DZIP1: variants seen among roughly 807,000 people sequenced by gnomAD.
DZIP1 encodes the protein DAZ interacting zinc finger protein 1, also known as cilium assembly protein DZIP1.
DZIP1 carries 97 observed loss-of-function variants against 107.6 expected under a neutral mutation model. The observed-to-expected ratio is 0.90, with a 90% CI of 0.77 to 1.07. DZIP1 has a LOEUF of 1.07. Among genes scored for constraint, DZIP1 ranks in the 50% least tolerant of loss-of-function variants. The pLI, the probability that DZIP1 is intolerant of heterozygous loss-of-function variation, is 0.00. For missense variants in DZIP1, 1,035 were observed against 1,063.6 expected, an observed-to-expected ratio of 0.97 and a Z score of 0.37; for synonymous variants, 390 against 386.4, an observed-to-expected ratio of 1.01 and a Z score of -0.11.
chr13:95,606,073 A>G lies in DZIP1; in HGVS notation c.1421-14T>C, dbSNP rs1484049679. On this transcript the variant is annotated splice_polypyrimidine_tract_variant and intron_variant, in intron 13 of 22. Transcript: ENST00000376829. ...CTGGGGCATTCACTGAAACAGCATAAAAAGGAAAAACTCAGAGGTTCCATA... is the reference window on the plus strand; with the variant it reads ...CTGGGGCATTCACTGAAACAGCATAGAAAGGAAAAACTCAGAGGTTCCATA... 6.2e-7 allele frequency: 1 copy of G among 1,612,830 alleles called. No individual in the cohort carries two copies. Among genetic ancestry groups the G allele is most frequent in the Non-Finnish European group, 8.5e-7 (1 of 1,179,610 alleles).
intron 5 of DZIP1, among the ~76,000 whole-genome samples, chr13:95,639,468 G>A (rs1878218515): frequency 6.6e-6 from 1 of 151,918 alleles, no homozygotes; most frequent in African/African-American, 2.4e-5. Flanking sequence ...GTGCACACCT[G>A]TAGTCCCAGC....
intron 10 of DZIP1, among the ~76,000 whole-genome samples, chr13:95,618,967 T>C (rs746171746): frequency 6.6e-6 from 1 of 152,260 alleles, no homozygotes; most frequent in African/African-American, 2.4e-5. Flanking sequence ...AAATTTCTGA[T>C]GTACTCAGGT....
rs1046495587 is a variant in DZIP1 at position 95,641,735 on chromosome 13, C to G, written c.157G>C (p.Gly53Arg). ...CTGAACTGGAAGAAGGGCAGGGGCC[C>G]CGAAGCCGCGCTGGGGGGCGCACAG... is the stretch of plus-strand genomic sequence containing the variant. ...MACAPPSAAS[G>R]PLPFFQFRPR... Residue 53 changes from glycine to arginine, a missense_variant, in exon 5 of 23, where the codon GGG becomes CGG. Transcript: ENST00000376829. The surrounding 1 kb of genome is among the most constrained non-coding windows in gnomAD (Gnocchi z 4.3). 7 of 1,594,224 alleles carry G rather than the reference C, an allele frequency of 4.4e-6. No individual in the cohort carries two copies. In the African/African-American group the frequency reaches 5.3e-5, roughly 12 times the overall value.
rs958476308 is a variant in DZIP1 at position 95,642,141 on chromosome 13, C to G, written c.-112G>C. 8 of 1,374,078 alleles carry G rather than the reference C, an allele frequency of 5.8e-6. No individual in the cohort carries two copies. The African/African-American group carries it at 9.3e-5, about 16-fold the overall frequency. 85.1% of individuals were successfully genotyped at this position (1,374,078 alleles called of 1,614,324 possible). A position where few individuals can be genotyped will look rare whatever the true frequency, so the allele number is the denominator to read the frequency against. On this transcript the variant is annotated 5_prime_UTR_variant, in exon 4 of 23. Coordinates refer to ENST00000376829, the MANE Select transcript of DZIP1 (RefSeq NM_198968.4). ...TCCTCGCTTCCGCGGCGGCGGCGGC[C>G]TAAGGTCTGGGCGTCCAGGACGTTG...
At chr13:95,584,038 G>GTGATCTCA (rs2044078468) in intron 22 of DZIP1, among the ~76,000 whole-genome samples, 2 of 151,766 alleles carry the variant, frequency 1.3e-5, no homozygotes, top group African/African-American at 4.8e-5. Context: ...GTGCAGTGGC[G>GTGATCTCA]TGATCTCAGC....
chr13:95,594,245 T>G (rs1285693690), intron 15 of DZIP1, among the ~76,000 whole-genome samples, 159 bp from the exon 16 acceptor site: 1 of 152,250 alleles, frequency 6.6e-6, no homozygotes, highest in African/African-American at 2.4e-5. Flanking sequence ...CAATACAGAA[T>G]GCTTAAGTTA....
rs1434364766 is a variant in DZIP1, at chr13:95,609,476, TG to T, written c.1400del (p.Pro467GlnfsTer8). The T allele has an allele frequency of 6.3e-7, 1 of 1,583,070 alleles. No individual in the cohort carries two copies. On this transcript the variant is annotated frameshift_variant, in exon 13 of 23. Coordinates refer to ENST00000376829, the MANE Select transcript of DZIP1 (RefSeq NM_198968.4). LOFTEE classifies it high-confidence loss of function. Reference protein sequence around the residue: ...PLAWQAFESQPAAPAVPMNAP... With the variant: ...PLAWQAFESQXAAPAVPMNAP... ...ACTTACTAGGCACAGCTGGAGCAGC[TG>T]GCTGAGATTCAAAAGCCTGCCAGGC...
At position 95,589,644 on chromosome 13, in the gene DZIP1, C is replaced by T. The variant is rs146529740; in HGVS notation, c.1973+159G>A. Among the ~76,000 whole-genome samples the T allele has an allele frequency of 3.9e-5, 6 of 152,316 alleles. No individual in the cohort carries two copies. The East Asian group carries it at 7.7e-4, about 20-fold the overall frequency. The stretch of plus-strand genomic sequence containing the variant: ...CGTCTGCAAGGCAGACAGCCTTCAC[C>T]GGAACCTGACTATACTGGCATCCTG... On this transcript the variant is annotated intron_variant, in intron 18 of 22. Coordinates refer to ENST00000376829, the MANE Select transcript of DZIP1 (RefSeq NM_198968.4).
intron 21 of DZIP1, 89 bp from the exon 22 acceptor site, chr13:95,584,999 A>C: frequency 9.9e-7 from 1 of 1,014,592 alleles, no homozygotes; most frequent in Non-Finnish European, 1.4e-6. Context: ...AGCATCTAAC[A>C]CTGAACCATA....
intron 19 of DZIP1, among the ~76,000 whole-genome samples, chr13:95,588,422 TA>T (rs1340522320): frequency 2.0e-5 from 3 of 152,210 alleles, no homozygotes; most frequent in Non-Finnish European, 4.4e-5. Flanking sequence ...ATCTCCAGAA[TA>T]AGGCAATGAT....
intron 5 of DZIP1, among the ~76,000 whole-genome samples, chr13:95,638,794 T>G (rs559914762): frequency 3.9e-5 from 6 of 152,290 alleles, no homozygotes; most frequent in Admixed American, 3.9e-4. Context: ...TATGATTTCT[T>G]AAAGCAAAGG....
chr13:95,605,927 T>G, intron 14 of DZIP1, 76 bp downstream of exon 14: 2 of 1,415,378 alleles, frequency 1.4e-6, no homozygotes, highest in South Asian at 2.4e-5. Flanking sequence ...CTCCACATAA[T>G]CACTTTTGGT....
At chr13:95,620,063 T>G in intron 9 of DZIP1, 116 bp from the exon 10 acceptor site, 1 of 1,123,462 alleles carries the variant, frequency 8.9e-7, no homozygotes, top group South Asian at 1.5e-5. Context: ...TGGTAAAATT[T>G]TAGCTAGTGA....
At chr13:95,589,647 A>G (rs1244146222) in intron 18 of DZIP1, among the ~76,000 whole-genome samples, 156 bp downstream of exon 18, 1 of 152,244 alleles carries the variant, frequency 6.6e-6, no homozygotes, top group East Asian at 1.9e-4. Context: ...CCTTCACCGG[A>G]ACCTGACTAT....
rs1877406220 is a variant in DZIP1 at position 95,633,215 on chromosome 13, A to G, written c.685+19T>C. 1 of 1,608,446 alleles carries G rather than the reference A, an allele frequency of 6.2e-7. No homozygotes were observed. The highest frequency in any genetic ancestry group is 2.2e-5 in the East Asian group (1 of 44,830). ...GGGAGCAGGAAGAAAAGAGCTTTCA[A>G]ACAGAACTCATTACTCACCAAAATG... On this transcript the variant is annotated intron_variant, in intron 6 of 22. Transcript: ENST00000376829.
At chr13:95,636,504 C>G (rs1335430951) in intron 5 of DZIP1, among the ~76,000 whole-genome samples, 2 of 142,220 alleles carry the variant, frequency 1.4e-5, no homozygotes, top group Non-Finnish European at 1.5e-5. Context: ...GATTGCGCCA[C>G]TGCACTCGGG....
chr13:95,621,259 T>C (rs556350498), intron 9 of DZIP1, among the ~76,000 whole-genome samples: 20 of 152,300 alleles, frequency 1.3e-4, no homozygotes, highest in African/African-American at 4.3e-4. Context: ...CTGAGAGGCA[T>C]GGGCTGCTGG....
At chr13:95,622,104 C>T (rs1875939792) in intron 9 of DZIP1, among the ~76,000 whole-genome samples, 2 of 152,114 alleles carry the variant, frequency 1.3e-5, no homozygotes, top group Admixed American at 1.3e-4. Context: ...TTCAAATTGA[C>T]TTTATGGAGA....
Position 95,611,512 on chromosome 13 carries a change from T to C in DZIP1, c.1315-19A>G. On this transcript the variant is annotated intron_variant, in intron 11 of 22. Coordinates refer to ENST00000376829, the MANE Select transcript of DZIP1 (RefSeq NM_198968.4). Reference sequence around the variant, plus strand: ...CTTTAATCTGCAAAGAAATACAGTCTTCTAGTGATACATTTGAAATTAGAT... The same window carrying C: ...CTTTAATCTGCAAAGAAATACAGTCCTCTAGTGATACATTTGAAATTAGAT... 1 of 1,587,124 alleles carries C rather than the reference T, an allele frequency of 6.3e-7. No individual in the cohort carries two copies. Among genetic ancestry groups the C allele is most frequent in the Non-Finnish European group, 8.7e-7 (1 of 1,155,928 alleles).
Sources: gnomAD v4.1 joint callset for allele counts (sites outside exome capture counted in the v4.1 genomes callset) on GRCh38, gnomAD v4.1.1 for gene constraint, Gnocchi (gnomAD v3.1) non-coding constraint, MANE v1.5 for transcripts, NCBI Gene and HGNC (gene_info 2026-07-23, HGNC 2026-07-21) for gene names.